KCTD16: variants seen among roughly 807,000 people sequenced by gnomAD.
KCTD16 encodes the protein potassium channel tetramerization domain containing 16.
Under a neutral mutation model 33.2 loss-of-function variants are expected in KCTD16, and 13 were observed. That is an observed-to-expected ratio of 0.39 (90% CI 0.25 to 0.62). The LOEUF is 0.62. Among genes scored for constraint, KCTD16 ranks in the 20% least tolerant of loss-of-function variants. KCTD16 has a pLI of 0.50. For missense variants in KCTD16, 441 were observed against 525.1 expected (o/e 0.84, Z 1.57); for synonymous variants, 197 against 195.3 (o/e 1.01, Z -0.07).
At chr5:144,211,841 T>G (rs1753405823) in intron 3 of KCTD16, among the ~76,000 whole-genome samples, 1 of 152,128 alleles carries the variant, frequency 6.6e-6, no homozygotes, top group Non-Finnish European at 1.5e-5. Flanking sequence ...TCTCTGTGAC[T>G]TCCTTCTGTT....
chr5:144,416,983 C>A (rs752980817), intron 3 of KCTD16, among the ~76,000 whole-genome samples: 2 of 152,140 alleles, frequency 1.3e-5, no homozygotes, highest in Admixed American at 6.5e-5. Flanking sequence ...AATAATATTT[C>A]ATCACATTTA....
At chr5:144,453,069 G>A (rs1753982098) in intron 3 of KCTD16, among the ~76,000 whole-genome samples, 1 of 152,150 alleles carries the variant, frequency 6.6e-6, no homozygotes, top group African/African-American at 2.4e-5. Context: ...TTCTTCCTGA[G>A]GACAGAGCTG....
intron 2 of KCTD16, among the ~76,000 whole-genome samples, chr5:144,202,279 A>G (rs1753060694): frequency 6.6e-6 from 1 of 152,204 alleles, no homozygotes; most frequent in Non-Finnish European, 1.5e-5. Flanking sequence ...AAGGCTAGGA[A>G]TACACTTACA....
At chr5:144,215,352 AAAG>A (rs1753530999) in intron 3 of KCTD16, among the ~76,000 whole-genome samples, 1 of 152,214 alleles carries the variant, frequency 6.6e-6, no homozygotes, top group African/African-American at 2.4e-5. Flanking sequence ...CCCAATAGAA[AAAG>A]AGCTCTACTA....
intron 3 of KCTD16, among the ~76,000 whole-genome samples, chr5:144,282,057 A>G (rs771277024): frequency 6.6e-5 from 10 of 152,182 alleles, no homozygotes; most frequent in Non-Finnish European, 8.8e-5. Context: ...GAATGATAAG[A>G]ATTTTGTAAG....
intron 2 of KCTD16, among the ~76,000 whole-genome samples, chr5:144,186,405 C>G (rs1379907778): frequency 2.0e-5 from 3 of 148,084 alleles, no homozygotes; most frequent in Non-Finnish European, 4.5e-5. Flanking sequence ...CTGTTCAGAG[C>G]CTAAGGGAAT....
At chr5:144,214,400 A>G (rs1280078467) in intron 3 of KCTD16, among the ~76,000 whole-genome samples, 2 of 152,130 alleles carry the variant, frequency 1.3e-5, no homozygotes, top group Non-Finnish European at 2.9e-5. Context: ...GGAGTGACTG[A>G]CCATGTCACT....
intron 3 of KCTD16, among the ~76,000 whole-genome samples, chr5:144,322,504 A>T (rs756525166): frequency 1.0e-4 from 15 of 149,786 alleles, no homozygotes; most frequent in Non-Finnish European, 1.9e-4. Context: ...ACCATCACAG[A>T]AAAAACAAAC....
chr5:144,438,447 G>T (rs73299617), intron 3 of KCTD16, among the ~76,000 whole-genome samples: 29 of 152,052 alleles, frequency 1.9e-4, no homozygotes, highest in Non-Finnish European at 3.5e-4. Context: ...ATCTGTCTCC[G>T]CTCTGTTTTC....
intron 3 of KCTD16, among the ~76,000 whole-genome samples, chr5:144,246,464 G>C (rs1359658707): frequency 6.6e-6 from 1 of 152,076 alleles, no homozygotes; most frequent in Non-Finnish European, 1.5e-5. Context: ...AGAATATCTT[G>C]TTTCATTCTG....
intron 3 of KCTD16, among the ~76,000 whole-genome samples, chr5:144,361,424 A>T (rs968131436): frequency 2.0e-5 from 3 of 152,040 alleles, no homozygotes; most frequent in African/African-American, 7.2e-5. Flanking sequence ...AACCCCTTTC[A>T]CTCTCAACTG....
chr5:144,446,414 A>T lies in KCTD16; in HGVS notation c.833-27246A>T, dbSNP rs540404641. 2.6e-5 allele frequency among the ~76,000 whole-genome samples: 4 copies of T among 152,234 alleles called. No individual in the cohort carries two copies. In the South Asian group the frequency reaches 6.2e-4, roughly 24 times the overall value. ...TTATACAAAAATTAACTCAAGATGG[A>T]ATAAAGATTTAAATGTAAGACCCAA... On this transcript the variant is annotated intron_variant, in intron 3 of 3. Transcript: ENST00000512467.
Position 144,452,923 on chromosome 5 carries a change from C to T in KCTD16, c.833-20737C>T, listed in dbSNP as rs1161431349. On this transcript the variant is annotated intron_variant, in intron 3 of 3. Transcript: ENST00000512467. Reference sequence around the variant, plus strand: ...GCAGACTATTATTTGAGAAACAATACGGGTACCCTCAGCGTATCTCACTAA... The same window carrying T: ...GCAGACTATTATTTGAGAAACAATATGGGTACCCTCAGCGTATCTCACTAA... 3.9e-5 allele frequency among the ~76,000 whole-genome samples: 6 copies of T among 152,112 alleles called. No individual in the cohort carries two copies. The South Asian group carries it at 8.3e-4, about 21-fold the overall frequency.
intron 3 of KCTD16, among the ~76,000 whole-genome samples, chr5:144,344,675 GA>G (rs1415720112): frequency 1.3e-5 from 2 of 151,198 alleles, no homozygotes; most frequent in African/African-American, 4.9e-5. Flanking sequence ...ACACCAGTTA[GA>G]ATGGCAATCA....
intron 3 of KCTD16, among the ~76,000 whole-genome samples, chr5:144,307,177 C>T (rs1173832620): frequency 6.6e-6 from 1 of 152,190 alleles, no homozygotes; most frequent in East Asian, 1.9e-4. Context: ...TTCTCATCCC[C>T]ATCTCTCTAA....
chr5:144,209,003 C>A (rs897391382), intron 3 of KCTD16, among the ~76,000 whole-genome samples: 2 of 152,080 alleles, frequency 1.3e-5, no homozygotes, highest in African/African-American at 2.4e-5. Context: ...GGCTTTTTAG[C>A]TTTCTATAAA....
intron 3 of KCTD16, 98 bp downstream of exon 3, chr5:144,207,644 T>G: frequency 2.2e-6 from 2 of 928,268 alleles, no homozygotes; most frequent in Non-Finnish European, 3.2e-6. Flanking sequence ...GAACATGGTT[T>G]GGAATTCTTT....
intron 3 of KCTD16, among the ~76,000 whole-genome samples, chr5:144,239,616 A>G (rs1246989055): frequency 2.0e-5 from 3 of 152,156 alleles, no homozygotes; most frequent in Non-Finnish European, 4.4e-5. Flanking sequence ...ATAAAATATC[A>G]TAGTTATAAA....
intron 3 of KCTD16, among the ~76,000 whole-genome samples, chr5:144,310,648 C>T (rs560202203): frequency 6.6e-6 from 1 of 151,980 alleles, no homozygotes; most frequent in Non-Finnish European, 1.5e-5. Context: ...CCCAAACAAC[C>T]TAGATAATAA....
Sources: allele counts gnomAD v4.1 joint callset (sites outside exome capture counted in the v4.1 genomes callset), GRCh38; gene constraint gnomAD v4.1.1; transcripts MANE v1.5; gene names NCBI Gene and HGNC (gene_info 2026-07-23, HGNC 2026-07-21).